DNAAF11: variants seen among roughly 807,000 people sequenced by gnomAD.
DNAAF11 encodes dynein axonemal assembly factor 11.
In DNAAF11, 45 loss-of-function variants were observed where a neutral mutation model predicts 60.8. The observed-to-expected ratio is 0.74, with a 90% CI of 0.58 to 0.95. The LOEUF is 0.95. DNAAF11 is among the 40% of genes least tolerant of loss of function. The pLI, the probability that DNAAF11 is intolerant of heterozygous loss-of-function variation, is 0.00. For synonymous variants in DNAAF11, 191 were observed against 183.5 expected, an observed-to-expected ratio of 1.04 and a Z score of -0.33; for missense variants, 546 against 546.2, an observed-to-expected ratio of 1.00 and a Z score of 0.00.
At chr8:132,640,157 A>G (rs1039469579) in intron 3 of DNAAF11, among the ~76,000 whole-genome samples, 1 of 152,218 alleles carries the variant, frequency 6.6e-6, no homozygotes, top group Admixed American at 6.5e-5. Flanking sequence ...ACAATTTATC[A>G]TGAATTATCT....
chr8:132,610,625 T>C (rs1045134606), intron 9 of DNAAF11, among the ~76,000 whole-genome samples: 2 of 152,158 alleles, frequency 1.3e-5, no homozygotes, highest in African/African-American at 4.8e-5. Context: ...ATAATAAAAT[T>C]ATAGTTTTTA....
chr8:132,640,267 A>G (rs1821726892), intron 3 of DNAAF11, among the ~76,000 whole-genome samples: 1 of 152,060 alleles, frequency 6.6e-6, no homozygotes, highest in African/African-American at 2.4e-5. Context: ...AAACTTCTCT[A>G]TACCTTCAAT....
chr8:132,583,411 C>T (rs1226402498), intron 11 of DNAAF11, among the ~76,000 whole-genome samples: 6 of 152,060 alleles, frequency 3.9e-5, no homozygotes, highest in African/African-American at 1.2e-4. Flanking sequence ...GCACCTGACA[C>T]GAAGCAAGCA....
At chr8:132,685,233 G>T in the DNAAF11 span, 2 of 152,196 alleles carry the variant, frequency 1.3e-5, no homozygotes, top group Admixed American at 1.3e-4. Context: ...CATAGAAAAC[G>T]TGGTATCCAC....
chr8:132,697,096 T>C, the DNAAF11 span, among the ~76,000 whole-genome samples: 1 of 152,182 alleles, frequency 6.6e-6, no homozygotes, highest in African/African-American at 2.4e-5. Context: ...ATGATTCCAT[T>C]TACATGAAAT....
chr8:132,659,587 A>G (rs1358535895), intron 2 of DNAAF11, among the ~76,000 whole-genome samples: 1 of 152,194 alleles, frequency 6.6e-6, no homozygotes, highest in African/African-American at 2.4e-5. Context: ...TTTCTGTAAT[A>G]GCCTTTTTAA....
At chr8:132,598,582 T>C (rs981613733) in intron 10 of DNAAF11, among the ~76,000 whole-genome samples, 2 of 152,192 alleles carry the variant, frequency 1.3e-5, no homozygotes, top group African/African-American at 4.8e-5. Flanking sequence ...TATAGCACAA[T>C]ATCTCCCAGA....
chr8:132,589,164 A>T (rs1028752080), intron 10 of DNAAF11, among the ~76,000 whole-genome samples: 2 of 152,174 alleles, frequency 1.3e-5, no homozygotes, highest in African/African-American at 2.4e-5. Context: ...TTTAAAGGAT[A>T]AGCAGGAATT....
At chr8:132,576,896 G>C (rs989865133) in intron 11 of DNAAF11, among the ~76,000 whole-genome samples, 3 of 152,150 alleles carry the variant, frequency 2.0e-5, no homozygotes, top group Non-Finnish European at 4.4e-5. Context: ...GAGGGGCAGG[G>C]GTCCATCAGA....
At chr8:132,623,622 A>G (rs1272055401) in intron 6 of DNAAF11, among the ~76,000 whole-genome samples, 1 of 152,224 alleles carries the variant, frequency 6.6e-6, no homozygotes, top group African/African-American at 2.4e-5. Flanking sequence ...GACAATATCT[A>G]GATCAGATAA....
rs62514517 is a variant in DNAAF11, at chr8:132,675,385, C to T, written c.10+99G>A. ...AGGGTCCGCCCAGGCGCGGGGGAACCGACAGCGCAGGGCGGGAGCGGGCGG... is the reference window on the plus strand; with the variant it reads ...AGGGTCCGCCCAGGCGCGGGGGAACTGACAGCGCAGGGCGGGAGCGGGCGG... On this transcript the variant is annotated intron_variant, in intron 1 of 11. Coordinates refer to ENST00000620350, the MANE Select transcript of DNAAF11 (RefSeq NM_012472.6). The T allele has an allele frequency of 2.9e-6, 4 of 1,371,518 alleles. No homozygotes were observed. The Admixed American group carries it at 9.0e-5, about 31-fold the overall frequency. 85.0% of individuals were successfully genotyped at this position (1,371,518 alleles called of 1,614,324 possible).
intron 3 of DNAAF11, among the ~76,000 whole-genome samples, chr8:132,649,918 T>C (rs1340077052): frequency 1.3e-5 from 2 of 152,232 alleles, no homozygotes; most frequent in Non-Finnish European, 2.9e-5. Flanking sequence ...ACACTGTTAG[T>C]GGGACTGTAA....
chr8:132,662,923 G>A (rs115868816), intron 1 of DNAAF11, among the ~76,000 whole-genome samples: 76 of 152,320 alleles, frequency 5.0e-4, no homozygotes, highest in African/African-American at 1.8e-3. Context: ...AAACATGTAC[G>A]AACTTATCAT....
chr8:132,585,895 T>C (rs1218532521), intron 10 of DNAAF11, among the ~76,000 whole-genome samples: 1 of 152,212 alleles, frequency 6.6e-6, no homozygotes, highest in Non-Finnish European at 1.5e-5. Flanking sequence ...ATGGTTTAAA[T>C]ATGAAAACAA....
intron 2 of DNAAF11, among the ~76,000 whole-genome samples, chr8:132,659,916 T>C (rs1823966406): frequency 6.6e-6 from 1 of 152,006 alleles, no homozygotes; most frequent in Non-Finnish European, 1.5e-5. Context: ...CCTCTCCCCA[T>C]CCTCCCATAC....
At chr8:132,656,930 T>A in intron 2 of DNAAF11, 23 bp from the exon 3 acceptor site, 1 of 865,712 alleles carries the variant, frequency 1.2e-6, no homozygotes, top group Non-Finnish European at 1.8e-6. Context: ...ATAATGTAGT[T>A]AAGATAATTA....
Position 132,574,317 on chromosome 8 carries a change from C to A in DNAAF11, c.1227-1837G>T, listed in dbSNP as rs528191998. 5.4e-4 allele frequency among the ~76,000 whole-genome samples: 83 copies of A among 152,312 alleles called. 1 individual carries two copies. Among genetic ancestry groups the A allele is most frequent in the South Asian group, 5.4e-3 (26 of 4,820 alleles). ...TTGACTGGTAAGCTGTTCCCTACAG[C>A]CACATGAAACTTTCCCTAAACAATC... On this transcript the variant is annotated intron_variant, in intron 11 of 11. Coordinates refer to ENST00000620350, the MANE Select transcript of DNAAF11 (RefSeq NM_012472.6).
At chr8:132,613,081 G>A (rs1404873616) in intron 8 of DNAAF11, among the ~76,000 whole-genome samples, 1 of 152,226 alleles carries the variant, frequency 6.6e-6, no homozygotes, top group East Asian at 1.9e-4. Context: ...TGGGAAGCTG[G>A]AGGAGCAGAG....
chr8:132,675,740 C>T (rs1825735295), upstream of DNAAF11: 1 of 411,578 alleles, frequency 2.4e-6, no homozygotes, highest in African/African-American at 2.1e-5. Context: ...TCTTCGTCCT[C>T]GTCGCACTTC....
Sources: gnomAD v4.1 joint callset for allele counts (sites outside exome capture counted in the v4.1 genomes callset) on GRCh38, gnomAD v4.1.1 for gene constraint, MANE v1.5 for transcripts, NCBI Gene and HGNC (gene_info 2026-07-23, HGNC 2026-07-21) for gene names.